MSRA: variants seen among roughly 807,000 people sequenced by gnomAD.
MSRA encodes methionine sulfoxide reductase A, also known as mitochondrial peptide methionine sulfoxide reductase.
Under a neutral mutation model 31.3 loss-of-function variants are expected in MSRA, and 54 were observed. The ratio of observed to expected loss-of-function variants is 1.73; its 90% CI spans 1.39 to 2.17. MSRA has a LOEUF of 2.17. Among genes scored for constraint, MSRA ranks in the 30% most tolerant of loss-of-function variants. The probability of loss-of-function intolerance (pLI) is 0.00; values close to 1 mark genes in which losing one functional copy is unlikely to be tolerated. For synonymous variants in MSRA, 169 were observed against 116.5 expected (o/e 1.45, Z -2.90); for missense variants, 507 against 300.9 (o/e 1.69, Z -5.07).
intron 3 of MSRA, among the ~76,000 whole-genome samples, chr8:10,256,009 G>T (rs1798158079): frequency 1.3e-5 from 2 of 152,060 alleles, no homozygotes; most frequent in South Asian, 4.1e-4. Flanking sequence ...AGCAGCCATA[G>T]TTTGCGTTGA....
intron 1 of MSRA, among the ~76,000 whole-genome samples, chr8:10,068,961 G>A (rs527956723): frequency 6.6e-6 from 1 of 152,228 alleles, no homozygotes; most frequent in African/African-American, 2.4e-5. Context: ...TCTTTCATCA[G>A]ATTTTTAGTC....
chr8:10,144,223 C>T (rs1802945812), intron 1 of MSRA, among the ~76,000 whole-genome samples: 1 of 152,142 alleles, frequency 6.6e-6, no homozygotes, highest in Admixed American at 6.5e-5. Flanking sequence ...CGTAGTGTGT[C>T]TTCATATTGC....
At chr8:10,303,988 T>A (rs1800989984) in intron 4 of MSRA, among the ~76,000 whole-genome samples, 1 of 152,222 alleles carries the variant, frequency 6.6e-6, no homozygotes, top group African/African-American at 2.4e-5. Flanking sequence ...CAAGCTGGAG[T>A]GCAGTGGCGT....
intron 1 of MSRA, among the ~76,000 whole-genome samples, chr8:10,163,173 A>G (rs573481143): frequency 6.6e-6 from 1 of 152,050 alleles, no homozygotes; most frequent in Non-Finnish European, 1.5e-5. Context: ...TGGCACCTTG[A>G]TCTTGGACTT....
chr8:10,199,634 G>A (rs1175894743), intron 1 of MSRA, among the ~76,000 whole-genome samples: 2 of 152,084 alleles, frequency 1.3e-5, no homozygotes, highest in African/African-American at 4.8e-5. Context: ...GCCATCCTAG[G>A]CTTGTAGTCA....
chr8:10,401,113 A>AG (rs397802379), intron 5 of MSRA, among the ~76,000 whole-genome samples: 1 of 151,722 alleles, frequency 6.6e-6, no homozygotes, highest in African/African-American at 2.4e-5. Context: ...ATAAAAAAAA[A>AG]CAACCCACAG....
At chr8:10,261,146 T>C (rs933538184) in intron 3 of MSRA, among the ~76,000 whole-genome samples, 1 of 152,156 alleles carries the variant, frequency 6.6e-6, no homozygotes, top group Non-Finnish European at 1.5e-5. Context: ...AAAACTATAG[T>C]CTGCTGTGAT....
At chr8:10,178,633 T>A (rs1806274630) in intron 1 of MSRA, among the ~76,000 whole-genome samples, 1 of 152,184 alleles carries the variant, frequency 6.6e-6, no homozygotes, top group Non-Finnish European at 1.5e-5. Flanking sequence ...TAGATTGACT[T>A]TGCATAGACA....
chr8:10,083,342 A>G (rs1019125259), intron 1 of MSRA, among the ~76,000 whole-genome samples: 2 of 152,254 alleles, frequency 1.3e-5, no homozygotes, highest in African/African-American at 4.8e-5. Flanking sequence ...GTATTAGGTT[A>G]AAATACTGTT....
intron 1 of MSRA, among the ~76,000 whole-genome samples, chr8:10,163,272 G>T (rs931976994): frequency 6.6e-6 from 1 of 152,224 alleles, no homozygotes; most frequent in African/African-American, 2.4e-5. Context: ...CGCCGACTCA[G>T]ACCACGCTGT....
intron 2 of MSRA, among the ~76,000 whole-genome samples, chr8:10,220,000 C>T (rs1219290108): frequency 6.6e-6 from 1 of 151,810 alleles, no homozygotes; most frequent in African/African-American, 2.4e-5. Context: ...GTTGAAGCAA[C>T]ATGGTTGAAC....
At chr8:10,168,454 C>T (rs980158838) in intron 1 of MSRA, among the ~76,000 whole-genome samples, 1 of 152,064 alleles carries the variant, frequency 6.6e-6, no homozygotes, top group Admixed American at 6.6e-5. Flanking sequence ...AATGTGGCAG[C>T]CTGGCACACA....
At chr8:10,210,350 C>T (rs1335883055) in intron 2 of MSRA, among the ~76,000 whole-genome samples, 1 of 152,204 alleles carries the variant, frequency 6.6e-6, no homozygotes, top group Non-Finnish European at 1.5e-5. Flanking sequence ...CCCTGACTCT[C>T]TCTGCACTGG....
chr8:10,291,385 C>T (rs1329193185), intron 3 of MSRA, among the ~76,000 whole-genome samples: 2 of 148,448 alleles, frequency 1.3e-5, no homozygotes, highest in Non-Finnish European at 3.0e-5. Flanking sequence ...TTATGTTTCT[C>T]GTCGGACACT....
At chr8:10,096,847 C>G (rs1163184103) in intron 1 of MSRA, among the ~76,000 whole-genome samples, 3 of 152,130 alleles carry the variant, frequency 2.0e-5, no homozygotes, top group Non-Finnish European at 4.4e-5. Context: ...TGTAAGTATT[C>G]TGTTTTTAAA....
chr8:10,424,242 A>C (rs1394182852), intron 5 of MSRA, among the ~76,000 whole-genome samples: 1 of 152,212 alleles, frequency 6.6e-6, no homozygotes, highest in Non-Finnish European at 1.5e-5. Flanking sequence ...ACAGGTAAAA[A>C]TGAACAACAC....
intron 1 of MSRA, among the ~76,000 whole-genome samples, chr8:10,135,663 G>A (rs1438337874): frequency 1.3e-5 from 2 of 152,102 alleles, no homozygotes; most frequent in South Asian, 2.1e-4. Flanking sequence ...CTGTGCATTC[G>A]CGTGCCCCTA....
At chr8:10,103,600 C>A (rs1342202829) in intron 1 of MSRA, among the ~76,000 whole-genome samples, 1 of 152,028 alleles carries the variant, frequency 6.6e-6, no homozygotes, top group Non-Finnish European at 1.5e-5. Flanking sequence ...ACATGGGAGA[C>A]AATTATCTAG....
chr8:10,090,939 AACATGGGG>A (rs1418880397), intron 1 of MSRA, among the ~76,000 whole-genome samples: 1 of 152,244 alleles, frequency 6.6e-6, no homozygotes, highest in Non-Finnish European at 1.5e-5. Flanking sequence ...TCAGCTGCTG[AACATGGGG>A]ATTGTTTGCA....
Sources: allele counts gnomAD v4.1 joint callset (sites outside exome capture counted in the v4.1 genomes callset), GRCh38; gene constraint gnomAD v4.1.1; transcripts MANE v1.5; gene names NCBI Gene and HGNC (gene_info 2026-07-23, HGNC 2026-07-21).